The following F11R variants were observed in gnomAD, a reference collection of about 807,000 sequenced individuals.
F11R encodes the protein F11 receptor, also known as junctional adhesion molecule A.
A neutral mutation model predicts 39.3 loss-of-function variants in F11R; 27 were observed. That is an observed-to-expected ratio of 0.69 (90% CI 0.51 to 0.95). The LOEUF (loss-of-function observed/expected upper bound fraction) is 0.95. F11R is among the 40% of genes least tolerant of loss of function. The pLI is 0.00. For missense variants in F11R, 335 were observed against 372.7 expected, an observed-to-expected ratio of 0.90 and a Z score of 0.83; for synonymous variants, 131 against 144.9, an observed-to-expected ratio of 0.90 and a Z score of 0.69.
chr1:161,000,002 T>G, intron 5 of F11R, 24 bp from the exon 6 acceptor site: 3 of 1,611,428 alleles, frequency 1.9e-6, no homozygotes, highest in Non-Finnish European at 2.5e-6. Flanking sequence ...ACAAATTGGC[T>G]TCCTGCTGAA....
chr1:161,000,562 A>C, intron 4 of F11R, 69 bp downstream of exon 4: 1 of 1,599,176 alleles, frequency 6.3e-7, no homozygotes, highest in Non-Finnish European at 8.6e-7. Context: ...AAAGAGCTCC[A>C]AAGTGCAGCA....
chr1:161,003,545 G>A (rs1408276880), intron 1 of F11R, among the ~76,000 whole-genome samples: 4 of 152,056 alleles, frequency 2.6e-5, no homozygotes, highest in African/African-American at 9.7e-5. Flanking sequence ...TTATAGGCGT[G>A]AGCCACGGCG....
rs28588685 is a variant in F11R, at chr1:161,002,960, T to G, written c.65-1607A>C. On this transcript the variant is annotated intron_variant, in intron 1 of 9. Coordinates refer to ENST00000368026, the MANE Select transcript of F11R (RefSeq NM_016946.6). ...TATTATACTCTCTATTTATTTGTTT[T>G]TTTTTTTTTTGAGACGGAGTTTCAC... 3.1e-3 allele frequency among the ~76,000 whole-genome samples: 466 copies of G among 150,964 alleles called. 2 individuals are homozygous for G. Among genetic ancestry groups the G allele is most frequent in the African/African-American group, 9.8e-3 (404 of 41,246 alleles).
chr1:161,000,829 G>C, intron 3 of F11R, 52 bp from the exon 4 acceptor site: 1 of 1,609,146 alleles, frequency 6.2e-7, no homozygotes, highest in East Asian at 2.2e-5. Context: ...AGAGCTAAGG[G>C]AGGCTGATGA....
intron 7 of F11R, 88 bp downstream of exon 7, chr1:160,999,552 A>C: frequency 6.7e-7 from 1 of 1,486,976 alleles, no homozygotes; most frequent in South Asian, 1.1e-5. Context: ...ACATGAGCAC[A>C]GTATCAGGGT....
At position 161,021,089 on chromosome 1, in the gene F11R, G is replaced by A. The variant is rs185609305; in HGVS notation, c.-16C>T. On this transcript the variant is annotated 5_prime_UTR_variant, in exon 1 of 10. Coordinates refer to ENST00000368026, the MANE Select transcript of F11R (RefSeq NM_016946.6). ...TTGTCCCCATCGCGATCAGGCTCCC[G>A]ACACAACAGCCGCCGAAGGACTCCT... 988 of 1,610,864 alleles carry A rather than the reference G, an allele frequency of 6.1e-4. No homozygotes were observed. The highest frequency in any genetic ancestry group is 8.1e-4 in the Non-Finnish European group (950 of 1,177,646).
At position 160,996,317 on chromosome 1, in the gene F11R, A is replaced by G. The variant is rs1255776219; in HGVS notation, c.*2554T>C. ...AGAGAAGTAAATTCCAAGGCTGGCA[A>G]TAACTGACTCATATTCTTCACAAGT... is the stretch of plus-strand genomic sequence containing the variant. On this transcript the variant is annotated 3_prime_UTR_variant, in exon 10 of 10. Transcript: ENST00000368026. The G allele has an allele frequency of 1.3e-5, 2 of 152,358 alleles. No individual in the cohort carries two copies. The highest frequency in any genetic ancestry group is 1.5e-5 in the Non-Finnish European group (1 of 68,048). The allele number at this position is 152,358 out of a possible 1,614,324, so 9.4% of individuals were successfully genotyped here.
At chr1:160,999,530 C>T in intron 7 of F11R, 110 bp downstream of exon 7, 3 of 1,514,950 alleles carry the variant, frequency 2.0e-6, no homozygotes, top group Non-Finnish European at 2.8e-6. Context: ...CCCCAGGGGA[C>T]AACACCCACA....
intron 1 of F11R, among the ~76,000 whole-genome samples, chr1:161,005,185 T>TAAC (rs1648733409): frequency 6.7e-6 from 1 of 149,490 alleles, no homozygotes; most frequent in Non-Finnish European, 1.5e-5. Context: ...ATAATAATAA[T>TAAC]AATAATAATA....
At chr1:161,009,619 A>T (rs145469848) in intron 1 of F11R, among the ~76,000 whole-genome samples, 1 of 152,188 alleles carries the variant, frequency 6.6e-6, no homozygotes, top group South Asian at 2.1e-4. Flanking sequence ...CTATATATTT[A>T]TCTCCTCCCC....
intron 1 of F11R, among the ~76,000 whole-genome samples, chr1:161,020,604 A>C (rs1390526706): frequency 6.6e-6 from 1 of 152,312 alleles, no homozygotes; most frequent in African/African-American, 2.4e-5. Flanking sequence ...CCGGCTGCGC[A>C]GCGGGGTTCG....
At chr1:161,011,552 A>T (rs1310580282) in intron 1 of F11R, among the ~76,000 whole-genome samples, 1 of 151,592 alleles carries the variant, frequency 6.6e-6, no homozygotes, top group Non-Finnish European at 1.5e-5. Context: ...AAGATGGTGA[A>T]ACCCCATCTC....
At chr1:161,015,743 C>A (rs1649430345) in intron 1 of F11R, among the ~76,000 whole-genome samples, 1 of 151,696 alleles carries the variant, frequency 6.6e-6, no homozygotes. Context: ...ATGTAGTATG[C>A]CTCTTTTTGT....
intron 1 of F11R, among the ~76,000 whole-genome samples, chr1:161,009,775 C>T (rs1003229670): frequency 1.2e-4 from 19 of 152,094 alleles, no homozygotes; most frequent in African/African-American, 3.4e-4. Context: ...TAAGACCAGC[C>T]GGGCCAACAT....
intron 1 of F11R, among the ~76,000 whole-genome samples, chr1:161,011,574 C>A (rs1328597597): frequency 6.6e-6 from 1 of 151,524 alleles, no homozygotes; most frequent in African/African-American, 2.4e-5. Context: ...ACTAAAAATA[C>A]AAAAAAATTA....
At chr1:160,999,474 G>C in intron 7 of F11R, 66 bp from the exon 8 acceptor site, 1 of 1,609,050 alleles carries the variant, frequency 6.2e-7, no homozygotes, top group Non-Finnish European at 8.5e-7. Context: ...TGGGAAGATG[G>C]AGGGGCAGGC....
At chr1:161,002,925 C>CTTTT (rs3052469) in intron 1 of F11R, among the ~76,000 whole-genome samples, 120,735 of 148,128 alleles carry the variant, frequency 0.82, 49,450 homozygotes, top group African/African-American at 0.88. Context: ...CTCCTATATC[C>CTTTT]TTTTTCTCTT....
intron 1 of F11R, among the ~76,000 whole-genome samples, chr1:161,013,152 A>G (rs1465791070): frequency 1.3e-5 from 2 of 151,412 alleles, no homozygotes; most frequent in African/African-American, 4.8e-5. Context: ...AAAAAAGAAG[A>G]AAGAGGAGGA....
intron 1 of F11R, among the ~76,000 whole-genome samples, chr1:161,011,345 T>A (rs1319697921): frequency 1.3e-5 from 2 of 152,128 alleles, no homozygotes; most frequent in Non-Finnish European, 2.9e-5. Context: ...TTTAATGTTA[T>A]TTAGTATAAC....
Sources: gnomAD v4.1 joint callset for allele counts (sites outside exome capture counted in the v4.1 genomes callset) on GRCh38, gnomAD v4.1.1 for gene constraint, MANE v1.5 for transcripts, NCBI Gene and HGNC (gene_info 2026-07-23, HGNC 2026-07-21) for gene names.